ATP10B: variants seen among roughly 807,000 people sequenced by gnomAD.
ATP10B encodes phospholipid-transporting ATPase VB.
A neutral mutation model predicts 141.2 loss-of-function variants in ATP10B; 122 were observed. The ratio of observed to expected loss-of-function variants is 0.86; its 90% CI spans 0.75 to 1.00. The LOEUF (loss-of-function observed/expected upper bound fraction) is 1.00, where lower values mean the gene tolerates loss of function less well. Ranked by LOEUF, ATP10B falls within the 50% of genes least tolerant of loss-of-function variation. The probability of loss-of-function intolerance (pLI) is 0.00; values close to 1 mark genes in which losing one functional copy is unlikely to be tolerated. For missense variants in ATP10B, 1,876 were observed against 1,825.3 expected (o/e 1.03, Z -0.51); for synonymous variants, 685 against 692.0 (o/e 0.99, Z 0.16).
chr5:160,858,517 G>A, the ATP10B span, among the ~76,000 whole-genome samples: 1 of 151,806 alleles, frequency 6.6e-6, no homozygotes, highest in Non-Finnish European at 1.5e-5. Flanking sequence ...CTGCCAGTGG[G>A]TCTGTAACTG....
intron 2 of ATP10B, among the ~76,000 whole-genome samples, chr5:160,746,611 C>G (rs926832205): frequency 6.6e-6 from 1 of 152,010 alleles, no homozygotes; most frequent in Non-Finnish European, 1.5e-5. Flanking sequence ...AGGCTGGTCT[C>G]GCACTCCTGA....
At chr5:160,568,892 C>G (rs1754710061) in intron 25 of ATP10B, among the ~76,000 whole-genome samples, 1 of 152,214 alleles carries the variant, frequency 6.6e-6, no homozygotes, top group South Asian at 2.1e-4. Flanking sequence ...TGACATAGTC[C>G]CTGGGCATGG....
the ATP10B span, among the ~76,000 whole-genome samples, chr5:160,880,172 T>C: frequency 6.8e-6 from 1 of 146,684 alleles, no homozygotes; most frequent in Admixed American, 6.8e-5. Flanking sequence ...TAAATAAAAA[T>C]ATATAATGTA....
intron 2 of ATP10B, among the ~76,000 whole-genome samples, chr5:160,779,788 C>T (rs1770595809): frequency 6.6e-6 from 1 of 152,120 alleles, no homozygotes; most frequent in African/African-American, 2.4e-5. Flanking sequence ...CATCAATAGA[C>T]AAATAAAGTA....
At chr5:160,806,821 T>C (rs1772806496) in intron 1 of ATP10B, among the ~76,000 whole-genome samples, 1 of 152,208 alleles carries the variant, frequency 6.6e-6, no homozygotes, top group Admixed American at 6.5e-5. Flanking sequence ...TCTTGGGAAA[T>C]ATGTATTCTT....
At chr5:160,686,723 C>T (rs963079329) in intron 5 of ATP10B, among the ~76,000 whole-genome samples, 1 of 152,052 alleles carries the variant, frequency 6.6e-6, no homozygotes, top group Non-Finnish European at 1.5e-5. Flanking sequence ...TTTTTTTGAG[C>T]TTATTTCCTC....
chr5:160,633,481 C>T (rs942060920), intron 12 of ATP10B: 2 of 152,182 alleles, frequency 1.3e-5, no homozygotes, highest in Non-Finnish European at 2.9e-5. Context: ...CTTGTTCTCA[C>T]TCATAAGTGG....
At chr5:160,667,979 C>T (rs983689782) in intron 7 of ATP10B, among the ~76,000 whole-genome samples, 2 of 152,094 alleles carry the variant, frequency 1.3e-5, no homozygotes, top group African/African-American at 4.8e-5. Context: ...CCTGTAATCC[C>T]CACACTTTGG....
upstream of ATP10B, among the ~76,000 whole-genome samples, chr5:160,855,481 GT>G (rs1039309229): frequency 1.0e-4 from 15 of 143,764 alleles, no homozygotes; most frequent in East Asian, 2.1e-4. Context: ...ATTTTTGTTT[GT>G]TTTTTTTTTA....
chr5:160,881,698 C>T, the ATP10B span, among the ~76,000 whole-genome samples: 5 of 152,072 alleles, frequency 3.3e-5, no homozygotes, highest in South Asian at 1.0e-3. Context: ...GTAGTCCCAG[C>T]TACTTGGGAG....
the ATP10B span, among the ~76,000 whole-genome samples, chr5:160,900,336 C>T: frequency 1.6e-4 from 25 of 152,264 alleles, no homozygotes; most frequent in African/African-American, 4.6e-4. Flanking sequence ...TGGGGCCAAG[C>T]GCTTTAATTT....
intron 21 of ATP10B, among the ~76,000 whole-genome samples, chr5:160,599,407 C>G (rs1330462752): frequency 1.3e-5 from 2 of 152,182 alleles, no homozygotes; most frequent in African/African-American, 4.8e-5. Context: ...GCAGAGAGGC[C>G]TGGTTTTGAA....
chr5:160,844,823 G>T (rs945473089), intron 1 of ATP10B, among the ~76,000 whole-genome samples: 3 of 152,130 alleles, frequency 2.0e-5, no homozygotes, highest in Non-Finnish European at 2.9e-5. Flanking sequence ...GGGATTACAG[G>T]CATGAGACAC....
At position 160,565,435 on chromosome 5, in the gene ATP10B, A is replaced by G. The variant is rs759350974; in HGVS notation, c.*18T>C. The G allele has an allele frequency of 6.8e-6, 11 of 1,611,960 alleles. No homozygotes were observed. Among genetic ancestry groups the G allele is most frequent in the Non-Finnish European group, 9.3e-6 (11 of 1,178,748 alleles). ...ACTAGGTGGCCTCTGTTGAGTTTGTACAGATTTCTGCAGCTCCTCATATGG... is the reference window on the plus strand; with the variant it reads ...ACTAGGTGGCCTCTGTTGAGTTTGTGCAGATTTCTGCAGCTCCTCATATGG... On this transcript the variant is annotated 3_prime_UTR_variant, in exon 26 of 26. Transcript: ENST00000327245.
At chr5:160,567,228 C>A (rs1754601887) in intron 25 of ATP10B, among the ~76,000 whole-genome samples, 1 of 152,148 alleles carries the variant, frequency 6.6e-6, no homozygotes, top group Non-Finnish European at 1.5e-5. Flanking sequence ...ATAGGAAAGA[C>A]AAGGTCCTTG....
In ATP10B at chr5:160,659,459, C is replaced by T. The variant is rs190317379; in HGVS notation, c.676-10203G>A. On this transcript the variant is annotated intron_variant, in intron 7 of 25. Coordinates refer to ENST00000327245, the MANE Select transcript of ATP10B (RefSeq NM_025153.3). ...CAGCCCAGGCAACAGTGCAAGGCTCCGTCTCAAATAAAAACAAAAACAAAA... is the reference window on the plus strand; with the variant it reads ...CAGCCCAGGCAACAGTGCAAGGCTCTGTCTCAAATAAAAACAAAAACAAAA... Among the ~76,000 whole-genome samples, 72 of 151,304 alleles carry T rather than the reference C, an allele frequency of 4.8e-4. 1 individual carries two copies. In the East Asian group the frequency reaches 0.011, roughly 24 times the overall value.
chr5:160,583,896 A>G (rs1306017924), intron 24 of ATP10B, among the ~76,000 whole-genome samples: 1 of 152,156 alleles, frequency 6.6e-6, no homozygotes, highest in Non-Finnish European at 1.5e-5. Context: ...GCTGGAGTGT[A>G]CCAGGTCAAC....
chr5:160,641,358 A>G (rs1010539919), intron 9 of ATP10B, among the ~76,000 whole-genome samples: 1 of 152,186 alleles, frequency 6.6e-6, no homozygotes, highest in African/African-American at 2.4e-5. Context: ...CAAGAGTAGT[A>G]GGGACCAAAG....
intron 18 of ATP10B, among the ~76,000 whole-genome samples, chr5:160,610,837 A>G (rs1259347879): frequency 2.0e-5 from 3 of 152,186 alleles, no homozygotes; most frequent in Non-Finnish European, 2.9e-5. Context: ...TGAACACTTC[A>G]GTGATTAGTT....
Sources: allele counts gnomAD v4.1 joint callset (sites outside exome capture counted in the v4.1 genomes callset), GRCh38; gene constraint gnomAD v4.1.1; transcripts MANE v1.5; gene names NCBI Gene and HGNC (gene_info 2026-07-23, HGNC 2026-07-21).